The following SHANK2 variants were observed in gnomAD, a reference collection of about 807,000 sequenced individuals.
SHANK2 encodes the protein SH3 and multiple ankyrin repeat domains 2.
Under a neutral mutation model 133.7 loss-of-function variants are expected in SHANK2, and 43 were observed. That is an observed-to-expected ratio of 0.32 (90% confidence interval 0.25 to 0.41). The LOEUF is 0.41. Among genes scored for constraint, SHANK2 ranks in the 10% least tolerant of loss-of-function variants. SHANK2 has a pLI of 1.00. For missense variants in SHANK2, 1,994 were observed against 2,235.8 expected, an observed-to-expected ratio of 0.89 and a Z score of 2.18; for synonymous variants, 1,017 against 952.8, an observed-to-expected ratio of 1.07 and a Z score of -1.24.
At chr11:71,066,899 A>AT (rs1951069980) in intron 9 of SHANK2, among the ~76,000 whole-genome samples, 1 of 152,134 alleles carries the variant, frequency 6.6e-6, no homozygotes, top group South Asian at 2.1e-4. Flanking sequence ...TGCCGTGGAC[A>AT]TAGGTGCTTC....
chr11:71,071,474 AAGG>A (rs1951140313), intron 9 of SHANK2, among the ~76,000 whole-genome samples: 1 of 152,240 alleles, frequency 6.6e-6, no homozygotes, highest in African/African-American at 2.4e-5. Flanking sequence ...AGGTGGACCC[AAGG>A]GGAAGGGAGC....
At chr11:71,241,118 G>A (rs1011116062) in intron 1 of SHANK2, among the ~76,000 whole-genome samples, 19 of 152,298 alleles carry the variant, frequency 1.2e-4, no homozygotes, top group South Asian at 8.3e-4. Flanking sequence ...CTCTGTGCAC[G>A]GTGAAAGCCC....
At chr11:70,692,629 G>C (rs1945314630) in intron 15 of SHANK2, among the ~76,000 whole-genome samples, 1 of 152,240 alleles carries the variant, frequency 6.6e-6, no homozygotes, top group Non-Finnish European at 1.5e-5. Context: ...ATTCTCTCTA[G>C]GGAGAAGAAC....
At chr11:71,144,262 A>G (rs1281879151) in intron 3 of SHANK2, among the ~76,000 whole-genome samples, 3 of 152,170 alleles carry the variant, frequency 2.0e-5, no homozygotes, top group Non-Finnish European at 2.9e-5. Flanking sequence ...TCATTCACCA[A>G]ACTGATGCCC....
chr11:70,715,010 G>A (rs1468576635), intron 14 of SHANK2, among the ~76,000 whole-genome samples: 1 of 150,560 alleles, frequency 6.6e-6, no homozygotes, highest in Non-Finnish European at 1.5e-5. Context: ...GGTCTATGTT[G>A]CCCAGGCTGG....
At chr11:70,926,991 C>T (rs553241274) in intron 10 of SHANK2, among the ~76,000 whole-genome samples, 5 of 152,164 alleles carry the variant, frequency 3.3e-5, no homozygotes, top group Non-Finnish European at 7.3e-5. Flanking sequence ...TGCTGGGTCC[C>T]TTTCCACCTG....
At chr11:71,141,777 G>A (rs1329974650) in intron 3 of SHANK2, among the ~76,000 whole-genome samples, 1 of 151,930 alleles carries the variant, frequency 6.6e-6, no homozygotes, top group Non-Finnish European at 1.5e-5. Context: ...GCAAACAGAT[G>A]GCCAAATCTA....
intron 14 of SHANK2, among the ~76,000 whole-genome samples, chr11:70,772,869 G>C (rs1555043176): frequency 6.6e-6 from 1 of 152,152 alleles, no homozygotes; most frequent in Non-Finnish European, 1.5e-5. Flanking sequence ...TCTTGCTTGG[G>C]TCACTTCTCT....
intron 6 of SHANK2, among the ~76,000 whole-genome samples, chr11:71,101,857 T>C (rs536910828): frequency 2.0e-5 from 3 of 151,804 alleles, no homozygotes; most frequent in East Asian, 3.9e-4. Flanking sequence ...GAAGCCGGAG[T>C]TGGGGGGCGG....
chr11:70,609,733 C>A (rs1591645139), intron 17 of SHANK2, among the ~76,000 whole-genome samples: 1 of 13,826 alleles, frequency 7.2e-5, no homozygotes, highest in Non-Finnish European at 2.2e-4. Flanking sequence ...ATTGTATATA[C>A]ATGTACTATA....
chr11:70,815,357 C>T (rs1948370501), intron 12 of SHANK2, among the ~76,000 whole-genome samples: 1 of 152,046 alleles, frequency 6.6e-6, no homozygotes, highest in African/African-American at 2.4e-5. Context: ...GGGGCGTGTT[C>T]CTCTCTCTGT....
intron 2 of SHANK2, among the ~76,000 whole-genome samples, chr11:71,168,597 C>T (rs550636977): frequency 6.6e-6 from 1 of 152,138 alleles, no homozygotes. Context: ...CCGAGGCTGG[C>T]GGATCACTCG....
At chr11:70,482,361 C>G (rs2058746492) in intron 25 of SHANK2, among the ~76,000 whole-genome samples, 1 of 152,232 alleles carries the variant, frequency 6.6e-6, no homozygotes, top group South Asian at 2.1e-4. Flanking sequence ...AGAGCTTGGC[C>G]TAAGGACAGT....
At chr11:71,146,704 C>T (rs1413446367) in intron 3 of SHANK2, among the ~76,000 whole-genome samples, 3 of 152,136 alleles carry the variant, frequency 2.0e-5, no homozygotes, top group Admixed American at 6.5e-5. Flanking sequence ...CAGCAGAGTC[C>T]GGCACCAGGA....
intron 6 of SHANK2, among the ~76,000 whole-genome samples, chr11:71,095,023 T>C (rs1201251391): frequency 2.0e-5 from 3 of 152,232 alleles, no homozygotes; most frequent in Non-Finnish European, 4.4e-5. Flanking sequence ...ATCTGGGTGC[T>C]TCCCGTACAG....
chr11:70,696,988 C>T (rs1005649443), intron 15 of SHANK2, among the ~76,000 whole-genome samples: 43 of 152,334 alleles, frequency 2.8e-4, no homozygotes, highest in African/African-American at 8.2e-4. Flanking sequence ...GAAGACATTA[C>T]GCTCAGTGAA....
intron 6 of SHANK2, among the ~76,000 whole-genome samples, chr11:71,098,586 G>A (rs942848070): frequency 3.9e-5 from 6 of 152,148 alleles, no homozygotes; most frequent in African/African-American, 1.4e-4. Context: ...AAAGGGATGG[G>A]GAATGAACCG....
chr11:71,174,333 A>G (rs996426409), intron 2 of SHANK2, among the ~76,000 whole-genome samples: 6 of 152,152 alleles, frequency 3.9e-5, no homozygotes, highest in Non-Finnish European at 7.3e-5. Flanking sequence ...TGAGTCCAAG[A>G]GTTTGAGACC....
chr11:70,680,106 T>A (rs1176745372), intron 15 of SHANK2, among the ~76,000 whole-genome samples: 5 of 152,192 alleles, frequency 3.3e-5, no homozygotes, highest in Non-Finnish European at 7.3e-5. Flanking sequence ...GCAGAACTCC[T>A]GCAGCCTCGG....
Sources: gnomAD v4.1 joint callset for allele counts (sites outside exome capture counted in the v4.1 genomes callset) on GRCh38, gnomAD v4.1.1 for gene constraint, MANE v1.5 for transcripts, NCBI Gene and HGNC (gene_info 2026-07-23, HGNC 2026-07-21) for gene names.